GAS5: variants seen among roughly 807,000 people sequenced by gnomAD.
GAS5 encodes growth arrest specific 5 (non-protein coding).
intron 2 of GAS5, chr1:173,866,612 T>C (rs1654708105): frequency 2.6e-6 from 2 of 763,762 alleles, no homozygotes; most frequent in African/African-American, 1.7e-5. Flanking sequence ...ACTCTCTATG[T>C]TCCCCAACTC....
chr1:173,868,817 T>G (rs560653781), upstream of GAS5: 1 of 153,342 alleles, frequency 6.5e-6, no homozygotes, highest in Admixed American at 6.5e-5. Context: ...TCAGTGACAT[T>G]TTGCCCTTTA....
exon 6 of GAS5, chr1:173,865,527 G>A (rs1654451714): frequency 1.9e-6 from 1 of 512,920 alleles, no homozygotes; most frequent in Admixed American, 2.0e-5. Context: ...AGTCATCCAT[G>A]GATAAAAACG....
chr1:173,866,690 G>C, intron 2 of GAS5: 1 of 765,282 alleles, frequency 1.3e-6, no homozygotes. Flanking sequence ...CTCAAGAGTA[G>C]CAAATAAACT....
At chr1:173,868,417 T>TCCTTGACTGGACTCGGGCCCCACAC (rs1655159186), upstream of GAS5, 1 of 153,276 alleles carries the variant, frequency 6.5e-6, no homozygotes, top group Non-Finnish European at 1.5e-5. Flanking sequence ...TAGGTGCTGC[T>TCCTTGACTGGACTCGGGCCCCACAC]CCTTGACTGG....
intron 2 of GAS5, chr1:173,866,699 CTG>C: frequency 1.3e-6 from 1 of 765,372 alleles, no homozygotes; most frequent in South Asian, 1.3e-5. Context: ...AGCAAATAAA[CTG>C]TCATCATTGT....
intron 4 of GAS5, chr1:173,866,117 C>T: frequency 2.0e-6 from 1 of 503,112 alleles, no homozygotes. Flanking sequence ...AACTAAAAAG[C>T]CATTTGTGCC....
upstream of GAS5, chr1:173,867,148 A>G: frequency 1.7e-6 from 1 of 594,338 alleles, no homozygotes; most frequent in Non-Finnish European, 3.0e-6. Context: ...TGATGCAGGT[A>G]ACATACCATT....
At chr1:173,864,078 G>A in intron 7 of GAS5, 1 of 477,696 alleles carries the variant, frequency 2.1e-6, no homozygotes, top group Admixed American at 2.1e-5. Context: ...GCAAGACCCT[G>A]TCTCAAAAAA....
chr1:173,866,661 G>C, intron 2 of GAS5: 1 of 764,684 alleles, frequency 1.3e-6, no homozygotes. Context: ...TGGTGGTTAA[G>C]ATCCTCATCA....
At chr1:173,866,530 G>A (rs1654686199) in exon 3 of GAS5, 3 of 719,664 alleles carry the variant, frequency 4.2e-6, no homozygotes, top group South Asian at 2.9e-5. Context: ...TGTCTCACCT[G>A]TGTGCCAATG....
intron 5 of GAS5, chr1:173,865,597 CTT>C (rs780399356): frequency 3.9e-6 from 2 of 519,062 alleles, no homozygotes; most frequent in African/African-American, 3.8e-5. Context: ...TCATTAAACT[CTT>C]TTCAAAGTTG....
chr1:173,868,512 A>C (rs984754923), upstream of GAS5: 22 of 152,848 alleles, frequency 1.4e-4, no homozygotes, highest in African/African-American at 4.8e-4. Flanking sequence ...TGGGGCGCTC[A>C]GCTACTTTCC....
upstream of GAS5, chr1:173,868,431 C>G (rs1053394475): frequency 6.5e-6 from 1 of 153,324 alleles, no homozygotes; most frequent in Non-Finnish European, 1.5e-5. Flanking sequence ...TGACTGGACT[C>G]GGGCCCCACA....
chr1:173,864,144 T>C (rs771000246), intron 7 of GAS5: 5 of 517,370 alleles, frequency 9.7e-6, no homozygotes, highest in Non-Finnish European at 1.9e-5. Context: ...TACATGGGAA[T>C]GCAGAATATC....
intron 6 of GAS5, chr1:173,864,715 G>A (rs563203030): frequency 6.0e-5 from 27 of 450,678 alleles, no homozygotes; most frequent in Admixed American, 1.4e-4. Context: ...CTGAAATTAA[G>A]GGACAATACA....
chr1:173,866,595 T>G (rs1367115233), intron 2 of GAS5: 1 of 762,966 alleles, frequency 1.3e-6, no homozygotes, highest in African/African-American at 1.7e-5. Context: ...CATGTGAACT[T>G]AGGTGTACTC....
upstream of GAS5, chr1:173,867,407 T>C (rs1386146362): frequency 1.1e-5 from 4 of 351,920 alleles, no homozygotes; most frequent in South Asian, 7.0e-5. Flanking sequence ...TCCCAGTTAC[T>C]TGGGAGGCTG....
chr1:173,868,216 C>T (rs1396829815), upstream of GAS5: 1 of 153,800 alleles, frequency 6.5e-6, no homozygotes, highest in Admixed American at 6.5e-5. Context: ...CGCCCTCCTC[C>T]CGACTGAGGA....
rs567704467 is a variant in GAS5, at chr1:173,866,153, T to C, written n.161+24A>G. ...GTAGGAAGTTTGCCCAGTTACCTGCTTACTTGGATACAGTTTCACTTACCA... is the reference window on the plus strand; with the variant it reads ...GTAGGAAGTTTGCCCAGTTACCTGCCTACTTGGATACAGTTTCACTTACCA... On this transcript the variant is annotated intron_variant and non_coding_transcript_variant, in intron 4 of 7. Transcript: ENST00000651080. 3 of 479,812 alleles carry C rather than the reference T, an allele frequency of 6.3e-6. No individual in the cohort carries two copies. The East Asian group carries it at 1.7e-4, about 28-fold the overall frequency. 29.7% of individuals were successfully genotyped at this position (479,812 alleles called of 1,614,324 possible).
Sources: gnomAD v4.1 joint callset for allele counts on GRCh38, gnomAD v4.1.1 for gene constraint, MANE v1.5 for transcripts, NCBI Gene and HGNC (gene_info 2026-07-23, HGNC 2026-07-21) for gene names.